The following CSMD2 variants were observed in gnomAD, a reference collection of about 807,000 sequenced individuals.
CSMD2 encodes CUB and Sushi multiple domains 2, also known as CUB and sushi domain-containing protein 2.
CSMD2 carries 130 observed loss-of-function variants against 398.5 expected under a neutral mutation model. The ratio of observed to expected loss-of-function variants is 0.33; its 90% CI spans 0.28 to 0.38. CSMD2 has a LOEUF of 0.38. Among genes scored for constraint, CSMD2 ranks in the 10% least tolerant of loss-of-function variants. The probability of loss-of-function intolerance (pLI) is 1.00; values close to 1 mark genes in which losing one functional copy is unlikely to be tolerated. For missense variants in CSMD2, 3,829 were observed against 4,764.9 expected (o/e 0.80, Z 5.78); for synonymous variants, 1,828 against 1,908.5 (o/e 0.96, Z 1.10).
At chr1:33,609,833 A>G (rs1570933257) in intron 41 of CSMD2, among the ~76,000 whole-genome samples, 1 of 151,910 alleles carries the variant, frequency 6.6e-6, no homozygotes. Context: ...TTATGGGAGG[A>G]TTTTGACTTC....
intron 2 of CSMD2, among the ~76,000 whole-genome samples, chr1:34,083,081 T>TAA (rs10711037): frequency 1.7e-4 from 22 of 128,188 alleles, no homozygotes; most frequent in African/African-American, 5.3e-4. Context: ...CTAAAAAAAT[T>TAA]AAAAAAAAAA....
intron 3 of CSMD2, among the ~76,000 whole-genome samples, chr1:33,982,871 C>T (rs971231462): frequency 2.6e-5 from 4 of 152,176 alleles, no homozygotes; most frequent in African/African-American, 7.2e-5. Flanking sequence ...ACATCCAAGA[C>T]ATTTGGACCA....
intron 1 of CSMD2, among the ~76,000 whole-genome samples, chr1:34,161,051 G>A (rs926667131): frequency 4.6e-5 from 7 of 152,134 alleles, no homozygotes; most frequent in African/African-American, 1.2e-4. Context: ...AGCTAGGTTC[G>A]AGAATAATTG....
At position 33,583,018 on chromosome 1, in the gene CSMD2, A is replaced by C. The variant is rs1267756788; in HGVS notation, c.7240+624T>G. Among the ~76,000 whole-genome samples the C allele has an allele frequency of 5.3e-5, 8 of 152,146 alleles. No individual in the cohort carries two copies. The East Asian group carries it at 1.5e-3, about 29-fold the overall frequency. ...CTTCTCCTGCTCTCTGTCATAACCGAGTATAAAGGGATGTGGACCATCTGG... is the reference window on the plus strand; with the variant it reads ...CTTCTCCTGCTCTCTGTCATAACCGCGTATAAAGGGATGTGGACCATCTGG... On this transcript the variant is annotated intron_variant, in intron 47 of 70. Transcript: ENST00000373381.
chr1:33,589,707 C>T (rs745846895), intron 44 of CSMD2, among the ~76,000 whole-genome samples: 3 of 152,158 alleles, frequency 2.0e-5, no homozygotes, highest in South Asian at 2.1e-4. Context: ...ATCCAGTGCA[C>T]GGTGAAACCC....
chr1:33,759,615 G>A (rs891624216), intron 13 of CSMD2, among the ~76,000 whole-genome samples: 3 of 152,010 alleles, frequency 2.0e-5, no homozygotes, highest in Non-Finnish European at 4.4e-5. Context: ...ATGAGCGACT[G>A]TGCCCAGCCC....
chr1:34,099,907 G>A lies in CSMD2; in HGVS notation c.188-10714C>T, dbSNP rs114374689. ...CAAAGGCAGGTGGGAGGATGGCAAG[G>A]TGGAAAGAGGGCAGATTGTAATAGG... On this transcript the variant is annotated intron_variant, in intron 1 of 70. Coordinates refer to ENST00000373381, the MANE Select transcript of CSMD2 (RefSeq NM_001281956.2). Among the ~76,000 whole-genome samples the A allele has an allele frequency of 2.7e-3, 415 of 152,312 alleles. 5 individuals carry two copies. Among genetic ancestry groups the A allele is most frequent in the African/African-American group, 9.8e-3 (408 of 41,566 alleles).
chr1:33,791,538 T>G (rs754178115), intron 11 of CSMD2, among the ~76,000 whole-genome samples: 1 of 151,964 alleles, frequency 6.6e-6, no homozygotes, highest in Non-Finnish European at 1.5e-5. Context: ...CAGGCTAGAG[T>G]GTAGTGGCAT....
chr1:33,756,522 T>A (rs1294218814), intron 13 of CSMD2, among the ~76,000 whole-genome samples: 1 of 152,160 alleles, frequency 6.6e-6, no homozygotes, highest in Admixed American at 6.5e-5. Flanking sequence ...GGTCTGATGA[T>A]AAGGAACCAA....
intron 1 of CSMD2, among the ~76,000 whole-genome samples, chr1:34,126,311 T>C (rs1215079459): frequency 6.6e-6 from 1 of 152,208 alleles, no homozygotes; most frequent in Non-Finnish European, 1.5e-5. Flanking sequence ...CCCACAGCCC[T>C]GGACTCTGGC....
At chr1:33,618,027 C>A (rs1570962081) in intron 37 of CSMD2, among the ~76,000 whole-genome samples, 2 of 150,494 alleles carry the variant, frequency 1.3e-5, no homozygotes, top group Non-Finnish European at 3.0e-5. Flanking sequence ...GACAGAGAGA[C>A]AGAGAGAGAG....
intron 51 of CSMD2, among the ~76,000 whole-genome samples, chr1:33,570,978 G>T (rs969547826): frequency 4.6e-5 from 7 of 152,114 alleles, no homozygotes; most frequent in African/African-American, 1.4e-4. Context: ...CCCCTAATAA[G>T]CCTCTGTCTC....
intron 2 of CSMD2, among the ~76,000 whole-genome samples, chr1:34,039,452 C>T (rs554697571): frequency 5.3e-5 from 8 of 152,308 alleles, no homozygotes; most frequent in African/African-American, 1.7e-4. Flanking sequence ...TGAGTTAAGC[C>T]ATTTCAATTT....
rs1557461014 is a variant in CSMD2 at position 34,164,067 on chromosome 1, C to CGGCGCT, written c.187+843_187+844insAGCGCC. Reference sequence around the variant, plus strand: ...CGGGAGCTGGTCCCGCCGCCCGCGCCGCCGCTGCCGCTGCCGCAGCCGAGG... The same window carrying CGGCGCT: ...CGGGAGCTGGTCCCGCCGCCCGCGCCGGCGCTGCCGCTGCCGCTGCCGCAGCCGAGG... On this transcript the variant is annotated intron_variant, in intron 1 of 70. Coordinates refer to ENST00000373381, the MANE Select transcript of CSMD2 (RefSeq NM_001281956.2). The surrounding 1 kb of genome is among the most constrained non-coding windows in gnomAD (Gnocchi z 6.2). Among the ~76,000 whole-genome samples, 1 of 152,140 alleles carries CGGCGCT rather than the reference C, an allele frequency of 6.6e-6. No homozygotes were observed. Among genetic ancestry groups the CGGCGCT allele is most frequent in the Non-Finnish European group, 1.5e-5 (1 of 68,012 alleles).
intron 5 of CSMD2, chr1:33,864,024 TG>T (rs1639759651): frequency 1.6e-6 from 1 of 629,154 alleles, no homozygotes; most frequent in African/African-American, 1.8e-5. Flanking sequence ...TTCCCTCCTC[TG>T]ACTCAACAAT....
At chr1:33,531,539 G>A (rs1460852732) in intron 64 of CSMD2, among the ~76,000 whole-genome samples, 1 of 152,180 alleles carries the variant, frequency 6.6e-6, no homozygotes, top group Non-Finnish European at 1.5e-5. Flanking sequence ...AGTATTATTT[G>A]TAATAGCCAA....
At chr1:34,078,022 A>C (rs531842490) in intron 2 of CSMD2, among the ~76,000 whole-genome samples, 118 of 152,196 alleles carry the variant, frequency 7.8e-4, no homozygotes, top group Non-Finnish European at 1.3e-3. Flanking sequence ...TTTTTCAGAG[A>C]CTAGGTTTTA....
In CSMD2 at chr1:33,991,988, G is replaced by C. The variant is rs567866548; in HGVS notation, c.517+40606C>G. ...GGATAAGTATATGAAAAGAGGCACC[G>C]TGTTGCTAATCAGGAAAATGCAAAT... is the stretch of plus-strand genomic sequence containing the variant. On this transcript the variant is annotated intron_variant, in intron 3 of 70. Transcript: ENST00000373381. Among the ~76,000 whole-genome samples, 10 of 152,008 alleles carry C rather than the reference G, an allele frequency of 6.6e-5. No homozygotes were observed. In the East Asian group the frequency reaches 1.9e-3, roughly 29 times the overall value.
intron 64 of CSMD2, among the ~76,000 whole-genome samples, chr1:33,531,791 T>C (rs1483087867): frequency 1.3e-5 from 2 of 152,206 alleles, no homozygotes; most frequent in African/African-American, 4.8e-5. Context: ...GGAAGTATGA[T>C]AGCAGTTACT....
Sources: allele counts gnomAD v4.1 joint callset (sites outside exome capture counted in the v4.1 genomes callset), GRCh38; gene constraint gnomAD v4.1.1; non-coding constraint Gnocchi (gnomAD v3.1); transcripts MANE v1.5; gene names NCBI Gene and HGNC (gene_info 2026-07-23, HGNC 2026-07-21).